Variants in PKIG observed in about 807,000 individuals in gnomAD.
PKIG encodes the protein protein kinase (cAMP-dependent, catalytic) inhibitor gamma.
PKIG carries 1 observed loss-of-function variant against 6.8 expected under a neutral mutation model. The observed-to-expected ratio is 0.15, with a 90% CI of 0.05 to 0.69. PKIG has a LOEUF of 0.69. PKIG is among the 30% of genes least tolerant of loss of function. The pLI is 0.82. For synonymous variants in PKIG, 39 were observed against 43.0 expected, an observed-to-expected ratio of 0.91 and a Z score of 0.36; for missense variants, 77 against 104.0, an observed-to-expected ratio of 0.74 and a Z score of 1.13.
At chr20:44,617,666 A>T (rs1312644569) in intron 3 of PKIG, among the ~76,000 whole-genome samples, 3 of 152,004 alleles carry the variant, frequency 2.0e-5, no homozygotes, top group African/African-American at 7.3e-5. Context: ...ACACCCCATG[A>T]TGCACGGTTG....
intron 2 of PKIG, among the ~76,000 whole-genome samples, chr20:44,595,852 C>A (rs948021480): frequency 3.3e-5 from 5 of 152,136 alleles, no homozygotes; most frequent in African/African-American, 1.2e-4. Flanking sequence ...GTGGATGCCC[C>A]AAGTACAACC....
intron 1 of PKIG, among the ~76,000 whole-genome samples, chr20:44,568,505 C>T (rs932503797): frequency 3.3e-5 from 5 of 151,500 alleles, no homozygotes; most frequent in South Asian, 2.1e-4. Context: ...CTTACTCTGT[C>T]GCCTGGGCTG....
chr20:44,586,780 C>T lies in PKIG; in HGVS notation c.-93-3017C>T, dbSNP rs545766441. 2.6e-5 allele frequency among the ~76,000 whole-genome samples: 4 copies of T among 152,344 alleles called. No individual in the cohort carries two copies. The East Asian group carries it at 7.7e-4, about 29-fold the overall frequency. On this transcript the variant is annotated intron_variant, in intron 1 of 3. Transcript: ENST00000372886. The stretch of plus-strand genomic sequence containing the variant: ...ATCCTTCAGAAATGTCTTAGGAAAA[C>T]TTGGAGTACTGCTCCTTCAAAGAGT...
chr20:44,547,257 A>C (rs151096056), intron 1 of PKIG, among the ~76,000 whole-genome samples: 149 of 152,374 alleles, frequency 9.8e-4, no homozygotes, highest in African/African-American at 3.0e-3. Flanking sequence ...GGAGCAAAAA[A>C]TGTTAAATGT....
At chr20:44,553,351 A>G (rs1412865600) in intron 1 of PKIG, among the ~76,000 whole-genome samples, 1 of 152,198 alleles carries the variant, frequency 6.6e-6, no homozygotes, top group South Asian at 2.1e-4. Context: ...CTGAGAGGTT[A>G]GACAAGTGCC....
At chr20:44,570,972 G>A (rs1007165999) in intron 1 of PKIG, among the ~76,000 whole-genome samples, 4 of 152,130 alleles carry the variant, frequency 2.6e-5, no homozygotes, top group Non-Finnish European at 4.4e-5. Context: ...CGTGGCTCAC[G>A]CCTGTAATTC....
chr20:44,587,377 C>A (rs1432043512), intron 1 of PKIG, among the ~76,000 whole-genome samples: 1 of 152,180 alleles, frequency 6.6e-6, no homozygotes, highest in Non-Finnish European at 1.5e-5. Context: ...TAGGGAGCAA[C>A]TGAGAGCTGC....
chr20:44,605,282 C>G (rs2065154172), intron 2 of PKIG, among the ~76,000 whole-genome samples: 1 of 151,930 alleles, frequency 6.6e-6, no homozygotes, highest in African/African-American at 2.4e-5. Flanking sequence ...GTAGCAGGCG[C>G]CTGAGTCCCA....
intron 1 of PKIG, among the ~76,000 whole-genome samples, chr20:44,569,887 G>A (rs2064840658): frequency 6.6e-6 from 1 of 152,226 alleles, no homozygotes; most frequent in Admixed American, 6.5e-5. Context: ...CCAGCACTGT[G>A]GGAGGCCAAG....
intron 1 of PKIG, among the ~76,000 whole-genome samples, chr20:44,543,655 T>A (rs370449254): frequency 5.3e-5 from 8 of 152,322 alleles, no homozygotes; most frequent in South Asian, 2.1e-4. Context: ...ATTTTCTTGG[T>A]TGTGCCCTCC....
intron 1 of PKIG, among the ~76,000 whole-genome samples, chr20:44,557,656 T>TAA (rs3092366): frequency 1.6e-5 from 2 of 124,638 alleles, no homozygotes; most frequent in Admixed American, 8.4e-5. Context: ...CTGTCTCTAC[T>TAA]AAAAAAAAAA....
intron 2 of PKIG, among the ~76,000 whole-genome samples, chr20:44,612,436 A>G (rs117191619): frequency 0.015 from 2,211 of 152,274 alleles, 25 homozygotes; most frequent in Non-Finnish European, 0.023. Context: ...AAGTCAGGCC[A>G]GTGCTTAGAC....
At chr20:44,590,622 T>C (rs1446840759) in intron 2 of PKIG, among the ~76,000 whole-genome samples, 1 of 152,202 alleles carries the variant, frequency 6.6e-6, no homozygotes, top group Non-Finnish European at 1.5e-5. Context: ...ACAGAGATCT[T>C]TTCACCCACC....
At chr20:44,603,290 C>A (rs1370720950) in intron 2 of PKIG, among the ~76,000 whole-genome samples, 1 of 152,078 alleles carries the variant, frequency 6.6e-6, no homozygotes, top group Admixed American at 6.5e-5. Flanking sequence ...AATGAACCAT[C>A]CTAATCATTT....
At chr20:44,581,510 T>C (rs371502533), upstream of PKIG, among the ~76,000 whole-genome samples, 10 of 152,340 alleles carry the variant, frequency 6.6e-5, no homozygotes, top group East Asian at 1.9e-4. Context: ...CTCCCCATTG[T>C]ACACGAAAGT....
At chr20:44,561,730 A>G (rs1288419549) in intron 1 of PKIG, among the ~76,000 whole-genome samples, 1 of 152,106 alleles carries the variant, frequency 6.6e-6, no homozygotes, top group Non-Finnish European at 1.5e-5. Flanking sequence ...TGATCCTCCC[A>G]CCTCAGGTAA....
chr20:44,547,572 C>T (rs2064626824), intron 1 of PKIG, among the ~76,000 whole-genome samples: 1 of 152,142 alleles, frequency 6.6e-6, no homozygotes, highest in Non-Finnish European at 1.5e-5. Context: ...ATGCCTCACA[C>T]ATGGTGAGTA....
At chr20:44,564,543 G>A (rs529791941) in intron 1 of PKIG, among the ~76,000 whole-genome samples, 34 of 152,028 alleles carry the variant, frequency 2.2e-4, no homozygotes, top group Non-Finnish European at 4.0e-4. Context: ...TTGTGATATA[G>A]TGTTGAGTTA....
intron 1 of PKIG, among the ~76,000 whole-genome samples, chr20:44,564,840 T>C (rs918026511): frequency 6.6e-6 from 1 of 152,224 alleles, no homozygotes; most frequent in African/African-American, 2.4e-5. Flanking sequence ...GCTGTGAATA[T>C]AGGAGAAAAC....
Sources: allele counts gnomAD v4.1 joint callset (sites outside exome capture counted in the v4.1 genomes callset), GRCh38; gene constraint gnomAD v4.1.1; transcripts MANE v1.5; gene names NCBI Gene and HGNC (gene_info 2026-07-23, HGNC 2026-07-21).